EBNA1BP2: variants seen among roughly 807,000 people sequenced by gnomAD.
EBNA1BP2 encodes the protein EBNA1 binding protein 2, also known as probable rRNA-processing protein EBP2.
EBNA1BP2 carries 36 observed loss-of-function variants against 43.5 expected under a neutral mutation model. The observed-to-expected ratio is 0.83, with a 90% CI of 0.63 to 1.09. The LOEUF is 1.09. Among genes scored for constraint, EBNA1BP2 ranks in the 50% least tolerant of loss-of-function variants. EBNA1BP2 has a pLI of 0.00. For synonymous variants in EBNA1BP2, 127 were observed against 141.3 expected, an observed-to-expected ratio of 0.90 and a Z score of 0.72; for missense variants, 332 against 379.1, an observed-to-expected ratio of 0.88 and a Z score of 1.03.
chr1:43,170,973 A>G lies in EBNA1BP2; in HGVS notation c.324-94T>C, dbSNP rs1314977530. The G allele has an allele frequency of 7.0e-6, 10 of 1,437,756 alleles. No individual in the cohort carries two copies. In the African/African-American group the frequency reaches 1.2e-4, roughly 17 times the overall value. The allele number at this position is 1,437,756 out of a possible 1,614,324, so 89.1% of individuals were successfully genotyped here. A position where few individuals can be genotyped will look rare whatever the true frequency, so the allele number is the denominator to read the frequency against. On this transcript the variant is annotated intron_variant, in intron 3 of 8. Transcript: ENST00000236051. ...TCATGAGTTATCCAAGCTCAGAAGG[A>G]CTCTCAAAATCTGACCTCCATTAGC...
chr1:43,164,621 C>G (rs1557707938), intron 8 of EBNA1BP2, 22 bp downstream of exon 8: 1 of 1,613,940 alleles, frequency 6.2e-7, no homozygotes, highest in East Asian at 2.2e-5. Flanking sequence ...TGCTCCTCAC[C>G]CGGGCACCTG....
chr1:43,166,891 C>G lies in EBNA1BP2; in HGVS notation c.642G>C (p.Glu214Asp), dbSNP rs1389643936. Residue 214 changes from glutamate to aspartate, a missense_variant, in exon 7 of 9, where the codon GAG becomes GAC. Physicochemically the swap from Glu to Asp is conservative, Grantham distance 45 (BLOSUM62 2). Coordinates refer to ENST00000236051, the MANE Select transcript of EBNA1BP2 (RefSeq NM_006824.3). ...GCTGTGCCAGAGGTTTCTGATCTCC[C>G]TCAAGGAAATCCAGTTTATCAGAGA... ...KGFSDKLDFL[E>D]GDQKPLAQRK... 6.2e-7 allele frequency: 1 copy of G among 1,613,196 alleles called. No homozygotes were observed. Among genetic ancestry groups the G allele is most frequent in the Admixed American group, 1.7e-5 (1 of 59,680 alleles).
intron 5 of EBNA1BP2, 113 bp from the exon 6 acceptor site, chr1:43,167,348 G>A (rs529870301): frequency 1.7e-5 from 17 of 1,018,954 alleles, no homozygotes; most frequent in South Asian, 5.3e-5. Context: ...CATTTACTAC[G>A]TGCCAAAAAC....
In EBNA1BP2 at chr1:43,164,319, A is replaced by T; in HGVS notation, c.*124T>A. ...AACCAAAGGTATGTGTTCCTTTAAT[A>T]ATTTTTCTTTAGTTTATTGAAAGAA... On this transcript the variant is annotated 3_prime_UTR_variant, in exon 9 of 9. Coordinates refer to ENST00000236051, the MANE Select transcript of EBNA1BP2 (RefSeq NM_006824.3). 1 of 1,154,126 alleles carries T rather than the reference A, an allele frequency of 8.7e-7. No homozygotes were observed. The highest frequency in any genetic ancestry group is 1.3e-6 in the Non-Finnish European group (1 of 797,196). The allele number at this position is 1,154,126 out of a possible 1,614,324, so 71.5% of individuals were successfully genotyped here. A position where few individuals can be genotyped will look rare whatever the true frequency, so the allele number is the denominator to read the frequency against.
chr1:43,169,052 T>C (rs748671736), intron 4 of EBNA1BP2, 24 bp from the exon 5 acceptor site: 2 of 1,611,982 alleles, frequency 1.2e-6, no homozygotes, highest in Non-Finnish European at 1.7e-6. Context: ...TGCTGTCAGT[T>C]CATGTCATTT....
At chr1:43,172,421 T>C, upstream of EBNA1BP2, 2 of 1,550,982 alleles carry the variant, frequency 1.3e-6, no homozygotes, top group Non-Finnish European at 1.7e-6. Flanking sequence ...TCTGGATACA[T>C]GCGTGGTCTG....
At position 43,171,922 on chromosome 1, in the gene EBNA1BP2, G is replaced by T; in HGVS notation, c.114C>A (p.Val38=). Residue 38 remains valine, a synonymous_variant, in exon 2 of 9, where the codon GTC becomes GTA. Transcript: ENST00000236051. ...CGGCCTTCTTCGGCCCCTCTAGCAC[G>T]ACATTGAGGCCTGGCTTCAGAAGCC... ...SRGLLKPGLN[V]VLEGPKKAVN... 1 of 1,614,094 alleles carries T rather than the reference G, an allele frequency of 6.2e-7. No individual in the cohort carries two copies. Among genetic ancestry groups the T allele is most frequent in the Non-Finnish European group, 8.5e-7 (1 of 1,180,000 alleles).
intron 3 of EBNA1BP2, chr1:43,171,199 T>C: frequency 2.1e-6 from 1 of 473,768 alleles, no homozygotes; most frequent in Non-Finnish European, 3.6e-6. Context: ...GAACATCCCA[T>C]AAGCAATGTT....
At position 43,167,456 on chromosome 1, in the gene EBNA1BP2, G is replaced by A. The variant is rs562849304; in HGVS notation, c.538-221C>T. ...ACAATCCAGTGAAGTTGAAATTTGT[G>A]TTATCCCCTAAACTGAAGCACAGGG... On this transcript the variant is annotated intron_variant, in intron 5 of 8. Transcript: ENST00000236051. Among the ~76,000 whole-genome samples, 4 of 152,264 alleles carry A rather than the reference G, an allele frequency of 2.6e-5. No homozygotes were observed. In the East Asian group the frequency reaches 7.7e-4, roughly 29 times the overall value.
chr1:43,169,010 T>C lies in EBNA1BP2; in HGVS notation c.466A>G (p.Thr156Ala). 6.2e-7 allele frequency: 1 copy of C among 1,614,126 alleles called. No individual in the cohort carries two copies. The highest frequency in any genetic ancestry group is 8.5e-7 in the Non-Finnish European group (1 of 1,180,026). Residue 156 changes from threonine to alanine, a missense_variant, in exon 5 of 9, where the codon ACT becomes GCT. Coordinates refer to ENST00000236051, the MANE Select transcript of EBNA1BP2 (RefSeq NM_006824.3). Reference protein sequence around the residue: ...QMQKIRQKLQTKQAAMERSEK... With the variant: ...QMQKIRQKLQAKQAAMERSEK... ...GACCTCTCCATGGCAGCCTGTTTAG[T>C]CTGCAGCTTCTGTCGAATCTACAAC...
Position 43,172,152 on chromosome 1 carries a change from A to T in EBNA1BP2, c.-34T>A, listed in dbSNP as rs746256214. ...ACGCACGTCCCACACCTACAGGAAG[A>T]AACGGGGTATCCCGAGACCCAAGCG... On this transcript the variant is annotated 5_prime_UTR_variant, in exon 1 of 9. Coordinates refer to ENST00000236051, the MANE Select transcript of EBNA1BP2 (RefSeq NM_006824.3). 27 of 1,613,836 alleles carry T rather than the reference A, an allele frequency of 1.7e-5. No individual in the cohort carries two copies. The South Asian group carries it at 2.9e-4, about 17-fold the overall frequency.
At chr1:43,169,181 G>A (rs1221586402) in intron 4 of EBNA1BP2, among the ~76,000 whole-genome samples, 153 bp from the exon 5 acceptor site, 1 of 152,168 alleles carries the variant, frequency 6.6e-6, no homozygotes, top group Non-Finnish European at 1.5e-5. Context: ...GGGGCCCACA[G>A]GCTGAGCACT....
rs11559312 is a variant in EBNA1BP2, at chr1:43,164,644, T to A, written c.869A>T (p.Asn290Ile). 16,477 of 1,614,198 alleles carry A rather than the reference T, an allele frequency of 0.01. 127 individuals are homozygous for A. Among genetic ancestry groups the A allele is most frequent in the Non-Finnish European group, 0.013 (14,996 of 1,180,022 alleles). The change falls in exon 8 of 9, where the codon AAT (asparagine) becomes ATT (isoleucine). Residue 290 changes from asparagine (N) to isoleucine (I), a missense_variant and splice_region_variant. Physicochemically the swap from Asn to Ile is moderately radical, Grantham distance 149. Around this residue, in one of 3 missense-constraint regions of EBNA1BP2, gnomAD observed 59 missense variants for 53.3 expected, o/e 1.11. Coordinates refer to ENST00000236051, the MANE Select transcript of EBNA1BP2 (RefSeq NM_006824.3). ...ACCCGGGCACCTGGGCTCACTTACATTTGACCCTTTCTTGCCAGGCCTCTT... is the reference window on the plus strand; with the variant it reads ...ACCCGGGCACCTGGGCTCACTTACAATTGACCCTTTCTTGCCAGGCCTCTT... ...GLKRPGKKGS[N>I]KRPGKRTREK... is the part of the protein sequence containing the mutation.
At chr1:43,170,476 C>G (rs1425999685) in intron 4 of EBNA1BP2, among the ~76,000 whole-genome samples, 1 of 152,214 alleles carries the variant, frequency 6.6e-6, no homozygotes, top group African/African-American at 2.4e-5. Context: ...CATGACCATG[C>G]CAGCTAGGAA....
chr1:43,171,888 C>T lies in EBNA1BP2; in HGVS notation c.148G>A (p.Val50Met), dbSNP rs1443979557. 2 of 1,613,842 alleles carry T rather than the reference C, an allele frequency of 1.2e-6. No homozygotes were observed. The highest frequency in any genetic ancestry group is 1.1e-5 in the South Asian group (1 of 91,056). ...LEGPKKAVND[V>M]NGLKQCLAEF... ...CCCGACCCTGTGCCCACGCTCACCACGTCGTTCACGGCCTTCTTCGGCCCC... is the reference window on the plus strand; with the variant it reads ...CCCGACCCTGTGCCCACGCTCACCATGTCGTTCACGGCCTTCTTCGGCCCC... Residue 50 changes from valine to methionine, a missense_variant and splice_region_variant, in exon 2 of 9, where the codon GTG becomes ATG. Transcript: ENST00000236051.
rs1804822 is a variant in EBNA1BP2, at chr1:43,164,286, G to A, written c.*157C>T. ...AGTAACTTCTCAATCTTTTAGTCTA[G>A]ACTATTTAACCAAAGGTATGTGTTC... On this transcript the variant is annotated 3_prime_UTR_variant, in exon 9 of 9. Coordinates refer to ENST00000236051, the MANE Select transcript of EBNA1BP2 (RefSeq NM_006824.3). 0.048 allele frequency: 38,269 copies of A among 792,114 alleles called. 1,591 individuals are homozygous for A. Among genetic ancestry groups the A allele is most frequent in the African/African-American group, 0.17 (9,851 of 57,306 alleles). The allele number at this position is 792,114 out of a possible 1,614,324, so 49.1% of individuals were successfully genotyped here.
At chr1:43,166,666 G>A (rs1644920273) in intron 7 of EBNA1BP2, among the ~76,000 whole-genome samples, 160 bp downstream of exon 7, 1 of 152,144 alleles carries the variant, frequency 6.6e-6, no homozygotes, top group Admixed American at 6.5e-5. Context: ...ATGGCTAAAA[G>A]GGCCCATCAC....
chr1:43,165,222 T>G (rs1028077257), intron 7 of EBNA1BP2, among the ~76,000 whole-genome samples: 2 of 152,222 alleles, frequency 1.3e-5, no homozygotes, highest in African/African-American at 2.4e-5. Flanking sequence ...TACGTTCAAA[T>G]GTAAACATTC....
chr1:43,167,747 G>A (rs187607184), intron 5 of EBNA1BP2, among the ~76,000 whole-genome samples: 3 of 152,324 alleles, frequency 2.0e-5, no homozygotes, highest in African/African-American at 4.8e-5. Context: ...AGGATAAAAG[G>A]AGACACTTTA....
Sources: gnomAD v4.1 joint callset for allele counts (sites outside exome capture counted in the v4.1 genomes callset) on GRCh38, gnomAD v4.1.1 for gene constraint, gnomAD v4.1.1 regional missense constraint, MANE v1.5 for transcripts, NCBI Gene and HGNC (gene_info 2026-07-23, HGNC 2026-07-21) for gene names.